Variants in MAP2 observed in about 807,000 individuals in gnomAD.
MAP2 encodes microtubule associated protein 2.
Under a neutral mutation model 137.6 loss-of-function variants are expected in MAP2, and 14 were observed. That is an observed-to-expected ratio of 0.10 (90% CI 0.07 to 0.16). The LOEUF is 0.16. Among genes scored for constraint, MAP2 ranks in the 10% least tolerant of loss-of-function variants. MAP2 has a pLI of 1.00. For missense variants in MAP2, 2,088 were observed against 2,191.5 expected, an observed-to-expected ratio of 0.95 and a Z score of 0.94; for synonymous variants, 786 against 782.3, an observed-to-expected ratio of 1.00 and a Z score of -0.08.
At chr2:209,641,431 A>G (rs1472712892) in intron 4 of MAP2, among the ~76,000 whole-genome samples, 1 of 152,034 alleles carries the variant, frequency 6.6e-6, no homozygotes, top group Non-Finnish European at 1.5e-5. Context: ...TAAAATTATG[A>G]TTAGAATTTT....
intron 13 of MAP2, among the ~76,000 whole-genome samples, chr2:209,712,301 ACTTC>A (rs2065773848): frequency 6.6e-6 from 1 of 152,166 alleles, no homozygotes; most frequent in South Asian, 2.1e-4. Flanking sequence ...CTGAACTAAA[ACTTC>A]CTTAGAGATT....
In MAP2 at chr2:209,561,601, A is replaced by T. The variant is rs191589760; in HGVS notation, c.-171-18435A>T. On this transcript the variant is annotated intron_variant, in intron 2 of 15. Coordinates refer to ENST00000682079, the MANE Select transcript of MAP2 (RefSeq NM_001375505.1). ...TAAAGTGCTTAATATAGTGTAGGCA[A>T]ATTATAAGCACACATCAAATATTAG... Among the ~76,000 whole-genome samples, 39 of 152,352 alleles carry T rather than the reference A, an allele frequency of 2.6e-4. No individual in the cohort carries two copies. The East Asian group carries it at 7.5e-3, about 29-fold the overall frequency.
At chr2:209,648,095 ACGT>A (rs1472713727) in intron 4 of MAP2, among the ~76,000 whole-genome samples, 3 of 147,036 alleles carry the variant, frequency 2.0e-5, no homozygotes, top group Non-Finnish European at 4.4e-5. Flanking sequence ...AGATGTTTAA[ACGT>A]CTTGGATTTT....
At chr2:209,520,530 T>A (rs1189326598) in intron 2 of MAP2, among the ~76,000 whole-genome samples, 3 of 152,072 alleles carry the variant, frequency 2.0e-5, no homozygotes, top group Non-Finnish European at 4.4e-5. Context: ...GAAAAGAATG[T>A]CACAAGGGCT....
intron 3 of MAP2, among the ~76,000 whole-genome samples, chr2:209,590,162 T>C (rs1433149118): frequency 6.6e-6 from 1 of 152,198 alleles, no homozygotes; most frequent in South Asian, 2.1e-4. Context: ...GATACTGAAG[T>C]GTGTTTATCT....
intron 2 of MAP2, among the ~76,000 whole-genome samples, chr2:209,555,248 T>G (rs764547417): frequency 2.0e-5 from 3 of 152,218 alleles, no homozygotes; most frequent in Non-Finnish European, 2.9e-5. Context: ...TGGAGGTTTA[T>G]TTGGTAGAAT....
intron 4 of MAP2, among the ~76,000 whole-genome samples, chr2:209,635,462 C>T (rs1480659546): frequency 6.6e-6 from 1 of 152,078 alleles, no homozygotes; most frequent in Non-Finnish European, 1.5e-5. Flanking sequence ...GTTTAAAAAA[C>T]TGTGATGTTT....
At chr2:209,462,609 C>T (rs375758490) in intron 1 of MAP2, among the ~76,000 whole-genome samples, 1 of 152,172 alleles carries the variant, frequency 6.6e-6, no homozygotes, top group African/African-American at 2.4e-5. Flanking sequence ...ATTAGGAGAC[C>T]GCACCATGCT....
rs1345357872 is a variant in MAP2, at chr2:209,732,682, C to T, written c.*2285C>T. 2 of 152,566 alleles carry T rather than the reference C, an allele frequency of 1.3e-5. No homozygotes were observed. Among genetic ancestry groups the T allele is most frequent in the African/African-American group, 4.8e-5 (2 of 41,430 alleles). The allele number at this position is 152,566 out of a possible 1,614,324, so 9.5% of individuals were successfully genotyped here. ...CCTGTGAAATAAGTATTTTTCTCAA[C>T]ATTCTTTAAAGTTTTTATATAAGTT... On this transcript the variant is annotated 3_prime_UTR_variant, in exon 16 of 16. Transcript: ENST00000682079.
At chr2:209,682,733 A>G (rs1294780085) in intron 7 of MAP2, among the ~76,000 whole-genome samples, 1 of 152,126 alleles carries the variant, frequency 6.6e-6, no homozygotes, top group Non-Finnish European at 1.5e-5. Context: ...CAGGTGCCCA[A>G]GAAGATGAAG....
intron 1 of MAP2, among the ~76,000 whole-genome samples, chr2:209,449,499 T>C (rs6435529): frequency 0.56 from 85,740 of 151,926 alleles, 26,032 homozygotes; most frequent in African/African-American, 0.79. Flanking sequence ...GAACATACTG[T>C]CTAAAATGCA....
chr2:209,451,429 C>A (rs559548586), intron 1 of MAP2, among the ~76,000 whole-genome samples: 4 of 152,252 alleles, frequency 2.6e-5, no homozygotes, highest in African/African-American at 9.6e-5. Flanking sequence ...GCTAAGATTC[C>A]CACAGTGTCT....
chr2:209,721,769 T>C (rs934374331), intron 13 of MAP2: 1 of 152,212 alleles, frequency 6.6e-6, no homozygotes. Context: ...ACTCTAATGA[T>C]CTCTAAGTTA....
intron 1 of MAP2, among the ~76,000 whole-genome samples, chr2:209,463,762 T>A (rs917298856): frequency 4.6e-5 from 7 of 152,216 alleles, no homozygotes; most frequent in African/African-American, 1.4e-4. Flanking sequence ...TCTATGGTAG[T>A]TGTCTCGTCC....
intron 3 of MAP2, among the ~76,000 whole-genome samples, chr2:209,619,716 C>T (rs887649375): frequency 6.6e-6 from 1 of 152,090 alleles, no homozygotes; most frequent in Non-Finnish European, 1.5e-5. Flanking sequence ...AAGCTGATAT[C>T]ACCAGGCATT....
At chr2:209,555,188 ATTTG>A (rs1358095220) in intron 2 of MAP2, among the ~76,000 whole-genome samples, 5 of 151,842 alleles carry the variant, frequency 3.3e-5, no homozygotes, top group Non-Finnish European at 7.4e-5. Context: ...TTTTTGGTTT[ATTTG>A]TTTGTTTTGT....
chr2:209,662,422 C>T (rs1052664894), intron 5 of MAP2, among the ~76,000 whole-genome samples: 3 of 152,168 alleles, frequency 2.0e-5, no homozygotes, highest in Non-Finnish European at 4.4e-5. Context: ...CTTAACGAAA[C>T]AGATTTTTGC....
At chr2:209,514,676 A>T (rs1174146626) in intron 2 of MAP2, among the ~76,000 whole-genome samples, 1 of 152,144 alleles carries the variant, frequency 6.6e-6, no homozygotes, top group Non-Finnish European at 1.5e-5. Context: ...TTTCTTTATT[A>T]TGTAAGAAAT....
At chr2:209,692,552 AAAT>A in intron 7 of MAP2, 70 bp from the exon 8 acceptor site, 2 of 1,475,504 alleles carry the variant, frequency 1.4e-6, no homozygotes, top group Non-Finnish European at 1.8e-6. Context: ...TATCACTTCA[AAAT>A]ATAATTTTAA....
Sources: gnomAD v4.1 joint callset for allele counts (sites outside exome capture counted in the v4.1 genomes callset) on GRCh38, gnomAD v4.1.1 for gene constraint, MANE v1.5 for transcripts, NCBI Gene and HGNC (gene_info 2026-07-23, HGNC 2026-07-21) for gene names.